Variants in ICOS observed in about 807,000 individuals in gnomAD.
The protein encoded by ICOS is inducible T-cell costimulator.
A neutral mutation model predicts 24.6 loss-of-function variants in ICOS; 15 were observed. The ratio of observed to expected loss-of-function variants is 0.61; its 90% CI spans 0.41 to 0.94. ICOS has a LOEUF of 0.94. Among genes scored for constraint, ICOS ranks in the 40% least tolerant of loss-of-function variants. ICOS has a pLI of 0.00. For synonymous variants in ICOS, 89 were observed against 77.5 expected, an observed-to-expected ratio of 1.15 and a Z score of -0.78; for missense variants, 200 against 233.0, an observed-to-expected ratio of 0.86 and a Z score of 0.92.
chr2:203,943,926 A>G (rs1689825675), intron 1 of ICOS, among the ~76,000 whole-genome samples: 1 of 152,076 alleles, frequency 6.6e-6, no homozygotes, highest in Admixed American at 6.5e-5. Flanking sequence ...AAGTGGGGGA[A>G]AACCGGCAGT....
Position 203,940,852 on chromosome 2 carries a change from C to T in ICOS, c.58+3980C>T, listed in dbSNP as rs543681025. 2.6e-5 allele frequency among the ~76,000 whole-genome samples: 4 copies of T among 152,146 alleles called. No homozygotes were observed. In the South Asian group the frequency reaches 6.2e-4, roughly 24 times the overall value. ...AGGCTGGAGTGCAGTGGCGCAATCT[C>T]GGCTTACTGCAACCTCCACCTCCCG... On this transcript the variant is annotated intron_variant, in intron 1 of 4. Coordinates refer to ENST00000316386, the MANE Select transcript of ICOS (RefSeq NM_012092.4).
intron 1 of ICOS, among the ~76,000 whole-genome samples, chr2:203,951,001 A>G (rs1176982331): frequency 6.6e-6 from 1 of 151,992 alleles, no homozygotes; most frequent in East Asian, 1.9e-4. Context: ...CAGAGGTTGC[A>G]GTGAGCTGAG....
At chr2:203,940,985 C>T (rs925317135) in intron 1 of ICOS, among the ~76,000 whole-genome samples, 2 of 152,100 alleles carry the variant, frequency 1.3e-5, no homozygotes, top group Non-Finnish European at 2.9e-5. Context: ...GGGGTTTCAC[C>T]GTGTTAGCCA....
At chr2:203,953,204 T>G (rs1690016166) in intron 1 of ICOS, among the ~76,000 whole-genome samples, 1 of 152,176 alleles carries the variant, frequency 6.6e-6, no homozygotes, top group Non-Finnish European at 1.5e-5. Flanking sequence ...GATCACTCAC[T>G]CTGCAGATTC....
At position 203,960,522 on chromosome 2, in the gene ICOS, C is replaced by G. The variant is rs545808395; in HGVS notation, c.*923C>G. On this transcript the variant is annotated 3_prime_UTR_variant, in exon 5 of 5. Transcript: ENST00000316386. ...TTTATTTTATTATCCTATTTTCTAC[C>G]ATTATCTATGTTTTCATGGTGCTAT... 77 of 152,298 alleles carry G rather than the reference C, an allele frequency of 5.1e-4. No homozygotes were observed. The highest frequency in any genetic ancestry group is 1.7e-3 in the African/African-American group (70 of 41,548). 9.4% of individuals were successfully genotyped at this position (152,298 alleles called of 1,614,324 possible).
At chr2:203,941,218 GT>G (rs1689769126) in intron 1 of ICOS, among the ~76,000 whole-genome samples, 1 of 151,964 alleles carries the variant, frequency 6.6e-6, no homozygotes, top group African/African-American at 2.4e-5. Flanking sequence ...ACCTTATGCT[GT>G]TTTTCCCCAC....
intron 1 of ICOS, among the ~76,000 whole-genome samples, chr2:203,943,155 A>G (rs1399046019): frequency 6.6e-6 from 1 of 152,166 alleles, no homozygotes; most frequent in Non-Finnish European, 1.5e-5. Context: ...TTTTTCAGGT[A>G]GATGAAGAAT....
At chr2:203,947,607 A>G (rs994400488) in intron 1 of ICOS, among the ~76,000 whole-genome samples, 2 of 152,144 alleles carry the variant, frequency 1.3e-5, no homozygotes, top group African/African-American at 4.8e-5. Flanking sequence ...CGCCCGGCCT[A>G]TAAAAATTAT....
At position 203,960,632 on chromosome 2, in the gene ICOS, G is replaced by A. The variant is rs1190060514; in HGVS notation, c.*1033G>A. ...AATGGGCCAGCATTCTCATGGGGTA[G>A]AGCAGAATATTCATTTAGCCTGAAA... On this transcript the variant is annotated 3_prime_UTR_variant, in exon 5 of 5. Coordinates refer to ENST00000316386, the MANE Select transcript of ICOS (RefSeq NM_012092.4). The A allele has an allele frequency of 6.6e-6, 1 of 152,216 alleles. No individual in the cohort carries two copies. The highest frequency in any genetic ancestry group is 2.4e-5 in the African/African-American group (1 of 41,456). The allele number at this position is 152,216 out of a possible 1,614,324, so 9.4% of individuals were successfully genotyped here. A position where few individuals can be genotyped will look rare whatever the true frequency, so the allele number is the denominator to read the frequency against.
intron 1 of ICOS, among the ~76,000 whole-genome samples, chr2:203,937,299 T>G (rs1689671003): frequency 6.6e-6 from 1 of 152,164 alleles, no homozygotes; most frequent in South Asian, 2.1e-4. Flanking sequence ...AAAAGAAGGA[T>G]TTTGATTTTA....
intron 1 of ICOS, among the ~76,000 whole-genome samples, chr2:203,937,481 C>T (rs1479487507): frequency 6.6e-6 from 1 of 152,116 alleles, no homozygotes; most frequent in Non-Finnish European, 1.5e-5. Context: ...CTGATTCCTT[C>T]TCTTGAATGG....
intron 1 of ICOS, among the ~76,000 whole-genome samples, chr2:203,946,695 A>G (rs980323978): frequency 7.2e-5 from 11 of 152,306 alleles, no homozygotes; most frequent in Middle Eastern, 3.4e-3. Context: ...ATTTCTTAGT[A>G]AAACATCAAA....
At chr2:203,951,735 C>A (rs1441936328) in intron 1 of ICOS, among the ~76,000 whole-genome samples, 2 of 152,194 alleles carry the variant, frequency 1.3e-5, no homozygotes, top group African/African-American at 4.8e-5. Context: ...ATTCTAAAGT[C>A]TCTGGGAAAT....
intron 1 of ICOS, among the ~76,000 whole-genome samples, chr2:203,944,942 T>A (rs1689842242): frequency 6.6e-6 from 1 of 152,164 alleles, no homozygotes; most frequent in African/African-American, 2.4e-5. Context: ...GTAACAGAAA[T>A]AATGAAATGT....
In ICOS at chr2:203,936,885, T is replaced by A. The variant is rs780437269; in HGVS notation, c.58+13T>A. 6.4e-7 allele frequency: 1 copy of A among 1,552,162 alleles called. No individual in the cohort carries two copies. Among genetic ancestry groups the A allele is most frequent in the Admixed American group, 1.7e-5 (1 of 59,952 alleles). On this transcript the variant is annotated intron_variant, in intron 1 of 4. Transcript: ENST00000316386. ...AAAGTTTTAACAGGTAAGTGGTGTA[T>A]TGAATATTTCTTATTAAGTTATAAT...
chr2:203,951,015 G>A (rs1056869953), intron 1 of ICOS, among the ~76,000 whole-genome samples: 1 of 151,258 alleles, frequency 6.6e-6, no homozygotes, highest in Non-Finnish European at 1.5e-5. Flanking sequence ...AGCTGAGATT[G>A]CACCACTGCA....
intron 3 of ICOS, among the ~76,000 whole-genome samples, chr2:203,957,000 C>CATTATT (rs1030113826): frequency 2.0e-5 from 3 of 151,944 alleles, no homozygotes; most frequent in Non-Finnish European, 4.4e-5. Context: ...CAGAGAGTTA[C>CATTATT]ATTATTATTA....
intron 4 of ICOS, among the ~76,000 whole-genome samples, chr2:203,958,156 A>G (rs1002155525): frequency 6.6e-6 from 1 of 152,206 alleles, no homozygotes; most frequent in African/African-American, 2.4e-5. Flanking sequence ...CAATTTTCCC[A>G]TTGATGTTTC....
intron 1 of ICOS, among the ~76,000 whole-genome samples, chr2:203,942,322 A>G (rs1053964041): frequency 1.3e-5 from 2 of 152,244 alleles, no homozygotes; most frequent in Non-Finnish European, 2.9e-5. Context: ...AATCTCATAG[A>G]TGTGCCTATT....
Sources: gnomAD v4.1 joint callset for allele counts (sites outside exome capture counted in the v4.1 genomes callset) on GRCh38, gnomAD v4.1.1 for gene constraint, MANE v1.5 for transcripts, NCBI Gene and HGNC (gene_info 2026-07-23, HGNC 2026-07-21) for gene names.